The following PCDHA7 variants were observed in gnomAD, a reference collection of about 807,000 sequenced individuals.
PCDHA7 encodes protocadherin alpha-7.
Under a neutral mutation model 57.2 loss-of-function variants are expected in PCDHA7, and 37 were observed. That is an observed-to-expected ratio of 0.65 (90% CI 0.50 to 0.85). PCDHA7 has a LOEUF of 0.85. PCDHA7 is among the 40% of genes least tolerant of loss of function. The pLI, the probability that PCDHA7 is intolerant of heterozygous loss-of-function variation, is 0.00. For missense variants in PCDHA7, 1,188 were observed against 1,241.8 expected (o/e 0.96, Z 0.65); for synonymous variants, 553 against 558.8 (o/e 0.99, Z 0.15).
At chr5:140,963,693 A>G (rs782642148) in intron 1 of PCDHA7, among the ~76,000 whole-genome samples, 15 of 152,210 alleles carry the variant, frequency 9.9e-5, no homozygotes, top group Non-Finnish European at 2.2e-4. Context: ...TCCGTGTTTG[A>G]TATCTAAAGG....
chr5:140,882,280 C>T lies in PCDHA7; in HGVS notation c.2355+45542C>T, dbSNP rs531486554. On this transcript the variant is annotated intron_variant, in intron 1 of 3. Transcript: ENST00000525929. ...TTTTGGAGTGTACCATGCTGTCTTCCTGGCAAGGAGGCCCAAGACCGCGGC... is the reference window on the plus strand; with the variant it reads ...TTTTGGAGTGTACCATGCTGTCTTCTTGGCAAGGAGGCCCAAGACCGCGGC... 1.0e-4 allele frequency: 164 copies of T among 1,612,564 alleles called. 4 individuals are homozygous for T. The South Asian group carries it at 1.7e-3, about 16-fold the overall frequency.
Position 140,836,055 on chromosome 5 carries a change from G to C in PCDHA7, c.1672G>C (p.Glu558Gln). Residue 558 changes from glutamate (E) to glutamine (Q), a missense_variant, in exon 1 of 4, where the codon GAG becomes CAG. Around this residue, in one of 3 missense-constraint regions of PCDHA7, gnomAD observed 892 missense variants for 788.5 expected, o/e 1.13. Transcript: ENST00000525929. ...NVTLQVFVLD[E>Q]NDNAPALLAP... is the part of the protein sequence containing the mutation. ...GACGCTGCAGGTGTTCGTGCTGGACGAGAACGACAACGCGCCGGCACTGCT... is the reference window on the plus strand; with the variant it reads ...GACGCTGCAGGTGTTCGTGCTGGACCAGAACGACAACGCGCCGGCACTGCT... 2 of 1,613,604 alleles carry C rather than the reference G, an allele frequency of 1.2e-6. No homozygotes were observed. Among genetic ancestry groups the C allele is most frequent in the Non-Finnish European group, 1.7e-6 (2 of 1,179,760 alleles).
At position 140,855,909 on chromosome 5, in the gene PCDHA7, A is replaced by C. The variant is rs1554148009; in HGVS notation, c.2355+19171A>C. The stretch of plus-strand genomic sequence containing the variant: ...GAACAAAGGCATCAGCCAGTTTCTC[A>C]AGGACTAGGAAGTAGCGTCATTCTG... On this transcript the variant is annotated intron_variant, in intron 1 of 3. Coordinates refer to ENST00000525929, the MANE Select transcript of PCDHA7 (RefSeq NM_018910.3). The C allele has an allele frequency of 6.1e-6, 7 of 1,151,572 alleles. 1 individual carries two copies. The highest frequency in any genetic ancestry group is 4.6e-5 in the African/African-American group (3 of 65,014). 71.3% of individuals were successfully genotyped at this position (1,151,572 alleles called of 1,614,324 possible). A position where few individuals can be genotyped will look rare whatever the true frequency, so the allele number is the denominator to read the frequency against.
intron 3 of PCDHA7, among the ~76,000 whole-genome samples, chr5:140,987,107 G>A (rs936936352): frequency 6.6e-6 from 1 of 151,876 alleles, no homozygotes; most frequent in Non-Finnish European, 1.5e-5. Flanking sequence ...CCAGCTACTC[G>A]GGAGGCTGAG....
At chr5:140,960,832 G>T (rs141442734) in intron 1 of PCDHA7, among the ~76,000 whole-genome samples, 1 of 152,230 alleles carries the variant, frequency 6.6e-6, no homozygotes, top group African/African-American at 2.4e-5. Flanking sequence ...TGGAAACTTG[G>T]AACAGGTTTA....
intron 1 of PCDHA7, among the ~76,000 whole-genome samples, chr5:140,971,134 G>A (rs1387380195): frequency 6.6e-6 from 1 of 152,170 alleles, no homozygotes; most frequent in African/African-American, 2.4e-5. Context: ...GTGGTGAAGA[G>A]GCATGAACAA....
Position 140,835,384 on chromosome 5 carries a change from G to A in PCDHA7, c.1001G>A (p.Cys334Tyr). 1 of 1,613,998 alleles carries A rather than the reference G, an allele frequency of 6.2e-7. No homozygotes were observed. The highest frequency in any genetic ancestry group is 8.5e-7 in the Non-Finnish European group (1 of 1,179,880). ...GGCTTCCCACCCCTGGCTGGTCATT[G>A]TACAGTTCTTGTGGAAGTTGTGGAT... ...DKGFPPLAGH[C>Y]TVLVEVVDVN... is the part of the protein sequence containing the mutation. The change falls in exon 1 of 4, where the codon TGT becomes TAT. Residue 334 changes from cysteine to tyrosine, a missense_variant. Cys to Tyr is a radical substitution (Grantham distance 194, BLOSUM62 -2). Coordinates refer to ENST00000525929, the MANE Select transcript of PCDHA7 (RefSeq NM_018910.3).
intron 3 of PCDHA7, among the ~76,000 whole-genome samples, chr5:140,985,090 A>C (rs1214396432): frequency 6.6e-6 from 1 of 152,076 alleles, no homozygotes; most frequent in Non-Finnish European, 1.5e-5. Context: ...GGCGTGTGCC[A>C]CCAAGCCTGG....
chr5:140,842,826 G>C (rs2150345442), intron 1 of PCDHA7: 2 of 1,593,690 alleles, frequency 1.3e-6, no homozygotes, highest in East Asian at 2.2e-5. Context: ...GTGGGCGAGC[G>C]CTCGCTGTCG....
intron 1 of PCDHA7, chr5:140,863,226 C>CCGA: frequency 1.7e-6 from 2 of 1,160,306 alleles, no homozygotes; most frequent in Non-Finnish European, 2.5e-6. Context: ...CGAGGAAGGT[C>CCGA]CCATCGCGGG....
chr5:140,873,706 G>T (rs1419666886), intron 1 of PCDHA7, among the ~76,000 whole-genome samples: 1 of 152,132 alleles, frequency 6.6e-6, no homozygotes, highest in Non-Finnish European at 1.5e-5. Context: ...TATCACCCAG[G>T]CTGGTGTGCA....
intron 1 of PCDHA7, chr5:140,854,600 A>G (rs1474878225): frequency 6.7e-6 from 1 of 149,994 alleles, no homozygotes; most frequent in African/African-American, 2.4e-5. Flanking sequence ...GTTTAAAGTA[A>G]TTGACACATT....
At chr5:140,842,190 T>C (rs2150331409) in intron 1 of PCDHA7, 1 of 1,613,858 alleles carries the variant, frequency 6.2e-7, no homozygotes, top group East Asian at 2.2e-5. Context: ...ACTATGGTTA[T>C]TGACCACTTT....
At chr5:141,000,854 G>A (rs2097968530) in intron 3 of PCDHA7, among the ~76,000 whole-genome samples, 1 of 152,010 alleles carries the variant, frequency 6.6e-6, no homozygotes, top group Non-Finnish European at 1.5e-5. Flanking sequence ...CTGGCAGTCA[G>A]CCATGACCTC....
intron 1 of PCDHA7, chr5:140,843,801 C>T: frequency 7.6e-7 from 1 of 1,311,536 alleles, no homozygotes; most frequent in Non-Finnish European, 1.1e-6. Context: ...AGTTTTTCAC[C>T]GTATTTTATA....
intron 1 of PCDHA7, chr5:140,867,287 A>T (rs1264218929): frequency 1.3e-5 from 2 of 152,110 alleles, no homozygotes; most frequent in African/African-American, 2.4e-5. Context: ...ATGTGCTTCA[A>T]ATATCATGTT....
intron 3 of PCDHA7, among the ~76,000 whole-genome samples, chr5:141,000,038 C>T (rs1554257087): frequency 3.3e-5 from 5 of 152,092 alleles, no homozygotes; most frequent in Non-Finnish European, 5.9e-5. Flanking sequence ...TCCAATCACA[C>T]ACACACCACT....
chr5:140,973,125 G>A (rs1417014318), intron 1 of PCDHA7, among the ~76,000 whole-genome samples: 2 of 152,166 alleles, frequency 1.3e-5, no homozygotes, highest in African/African-American at 4.8e-5. Context: ...GATGAATTAA[G>A]TTTGCATTCA....
chr5:140,848,251 T>A, intron 1 of PCDHA7: 1 of 465,844 alleles, frequency 2.1e-6, no homozygotes, highest in East Asian at 3.2e-5. Context: ...GCAGAATAAC[T>A]GTGAAATTTT....
Sources: gnomAD v4.1 joint callset for allele counts (sites outside exome capture counted in the v4.1 genomes callset) on GRCh38, gnomAD v4.1.1 for gene constraint, gnomAD v4.1.1 regional missense constraint, MANE v1.5 for transcripts, NCBI Gene and HGNC (gene_info 2026-07-23, HGNC 2026-07-21) for gene names.